CYYR1: variants seen among roughly 807,000 people sequenced by gnomAD.
The protein encoded by CYYR1 is cysteine and tyrosine rich 1.
CYYR1 carries 14 observed loss-of-function variants against 15.2 expected under a neutral mutation model. That is an observed-to-expected ratio of 0.92 (90% CI 0.61 to 1.44). CYYR1 has a LOEUF of 1.44. Ranked by LOEUF, CYYR1 falls within the 40% of genes most tolerant of loss-of-function variation. CYYR1 has a pLI of 0.00. For missense variants in CYYR1, 228 were observed against 209.5 expected (o/e 1.09, Z -0.54); for synonymous variants, 80 against 77.4 (o/e 1.03, Z -0.18).
intron 2 of CYYR1, among the ~76,000 whole-genome samples, chr21:26,531,067 A>T (rs753748164): frequency 1.9e-4 from 29 of 152,314 alleles, no homozygotes; most frequent in Admixed American, 7.2e-4. Flanking sequence ...GCAGGCACGC[A>T]TAAGTGTAAA....
At chr21:26,494,952 A>G (rs1271084184) in intron 2 of CYYR1, among the ~76,000 whole-genome samples, 1 of 152,196 alleles carries the variant, frequency 6.6e-6, no homozygotes, top group Non-Finnish European at 1.5e-5. Flanking sequence ...CTTACACCAC[A>G]ACTTTGTTTC....
At chr21:26,542,286 T>TGCGTGC in intron 2 of CYYR1, among the ~76,000 whole-genome samples, 1 of 65,394 alleles carries the variant, frequency 1.5e-5, no homozygotes, top group African/African-American at 4.2e-5. Flanking sequence ...TATGTGTGTG[T>TGCGTGC]GTGCGTGTGT....
intron 2 of CYYR1, among the ~76,000 whole-genome samples, chr21:26,558,953 G>A (rs1209060343): frequency 3.9e-5 from 6 of 152,060 alleles, no homozygotes; most frequent in Non-Finnish European, 8.8e-5. Flanking sequence ...GTCTCCTTGG[G>A]CATATTTGGA....
intron 2 of CYYR1, among the ~76,000 whole-genome samples, chr21:26,550,038 A>T (rs1410574931): frequency 6.6e-6 from 1 of 152,084 alleles, no homozygotes; most frequent in East Asian, 1.9e-4. Context: ...TATTGGCACA[A>T]TTTTTCCAAC....
intron 2 of CYYR1, among the ~76,000 whole-genome samples, chr21:26,531,366 T>C (rs1007469551): frequency 1.3e-5 from 2 of 152,142 alleles, no homozygotes; most frequent in East Asian, 1.9e-4. Context: ...ATATGACTTA[T>C]ATGGTTTGGC....
In CYYR1 at chr21:26,498,482, A is replaced by G. The variant is rs1000842466; in HGVS notation, c.177-18053T>C. ...GTTTTAAGAGAGAAAAGTTCAATAC[A>G]GCAAGTCTGTATTCAGTTTTGATGG... On this transcript the variant is annotated intron_variant, in intron 2 of 3. Coordinates refer to ENST00000652641, the MANE Select transcript of CYYR1 (RefSeq NM_001320768.2). Among the ~76,000 whole-genome samples the G allele has an allele frequency of 2.6e-5, 4 of 152,336 alleles. No homozygotes were observed. In the East Asian group the frequency reaches 7.7e-4, roughly 29 times the overall value.
intron 2 of CYYR1, among the ~76,000 whole-genome samples, chr21:26,492,841 A>C (rs1270600789): frequency 6.6e-6 from 1 of 152,182 alleles, no homozygotes; most frequent in Non-Finnish European, 1.5e-5. Flanking sequence ...AGACACACGC[A>C]TATGCATAGG....
intron 2 of CYYR1, among the ~76,000 whole-genome samples, chr21:26,502,302 C>CT (rs33974862): frequency 2.0e-3 from 273 of 139,316 alleles, no homozygotes; most frequent in African/African-American, 4.0e-3. Context: ...TTGAGAACTG[C>CT]TTTTTTTTTT....
At chr21:26,507,664 A>C (rs1340578586) in intron 2 of CYYR1, among the ~76,000 whole-genome samples, 1 of 152,248 alleles carries the variant, frequency 6.6e-6, no homozygotes, top group African/African-American at 2.4e-5. Flanking sequence ...ATGCCAAAAA[A>C]CAGGCAGCCA....
intron 3 of CYYR1, among the ~76,000 whole-genome samples, chr21:26,475,203 C>CT (rs909379398): frequency 2.6e-5 from 4 of 151,958 alleles, no homozygotes; most frequent in African/African-American, 4.8e-5. Flanking sequence ...CTGTTTCATG[C>CT]TTTTTTTTCT....
At chr21:26,552,907 C>T (rs1242568689) in intron 2 of CYYR1, among the ~76,000 whole-genome samples, 1 of 152,084 alleles carries the variant, frequency 6.6e-6, no homozygotes, top group African/African-American at 2.4e-5. Context: ...GAAAAACAGC[C>T]TACCATATTT....
At chr21:26,538,015 T>C (rs1201232499) in intron 2 of CYYR1, among the ~76,000 whole-genome samples, 2 of 152,222 alleles carry the variant, frequency 1.3e-5, no homozygotes, top group Admixed American at 1.3e-4. Context: ...CTACGTTGTT[T>C]TATGATAGCA....
At chr21:26,469,566 T>C (rs1381954814) in intron 3 of CYYR1, among the ~76,000 whole-genome samples, 1 of 152,154 alleles carries the variant, frequency 6.6e-6, no homozygotes, top group Non-Finnish European at 1.5e-5. Flanking sequence ...GCATAATGTA[T>C]AATAATCAAA....
chr21:26,498,623 G>A (rs753948922), intron 2 of CYYR1, among the ~76,000 whole-genome samples: 40 of 152,202 alleles, frequency 2.6e-4, no homozygotes, highest in Admixed American at 3.9e-4. Flanking sequence ...ACAGTGGCAA[G>A]AGTAGAGCTG....
rs1171664199 is a variant in CYYR1, at chr21:26,467,376, T to A, written c.*1125A>T. ...ATTTGATGTCAGTATCTTAATTGTG[T>A]CATTAACTTTTTTAAGAGAACAGAT... is the stretch of plus-strand genomic sequence containing the variant. On this transcript the variant is annotated 3_prime_UTR_variant, in exon 4 of 4. Transcript: ENST00000652641. 2.7e-5 allele frequency: 4 copies of A among 148,222 alleles called. No homozygotes were observed. Among genetic ancestry groups the A allele is most frequent in the Non-Finnish European group, 5.9e-5 (4 of 67,646 alleles). 9.2% of individuals were successfully genotyped at this position (148,222 alleles called of 1,614,324 possible). A position where few individuals can be genotyped will look rare whatever the true frequency, so the allele number is the denominator to read the frequency against.
chr21:26,512,027 C>T (rs918960993), intron 2 of CYYR1, among the ~76,000 whole-genome samples: 3 of 147,486 alleles, frequency 2.0e-5, no homozygotes, highest in South Asian at 2.1e-4. Context: ...GCTTGAAGTA[C>T]GGCAGTACCA....
At chr21:26,563,504 G>A (rs879541737) in intron 2 of CYYR1, among the ~76,000 whole-genome samples, 3 of 152,062 alleles carry the variant, frequency 2.0e-5, no homozygotes, top group Admixed American at 6.6e-5. Flanking sequence ...CTCAGGAGGC[G>A]GAGGCTGCAG....
chr21:26,566,536 C>A (rs1980634338), intron 1 of CYYR1, among the ~76,000 whole-genome samples, 168 bp from the exon 2 acceptor site: 1 of 152,198 alleles, frequency 6.6e-6, no homozygotes, highest in Admixed American at 6.5e-5. Flanking sequence ...AAATTAGCCT[C>A]TCTTCCCCAT....
intron 2 of CYYR1, among the ~76,000 whole-genome samples, chr21:26,486,791 G>T (rs2065254565): frequency 6.6e-6 from 1 of 151,944 alleles, no homozygotes. Flanking sequence ...TTGCCATGTT[G>T]CAGTAACACT....
Sources: allele counts gnomAD v4.1 joint callset (sites outside exome capture counted in the v4.1 genomes callset), GRCh38; gene constraint gnomAD v4.1.1; transcripts MANE v1.5; gene names NCBI Gene and HGNC (gene_info 2026-07-23, HGNC 2026-07-21).